Variants in MGAT4C observed in about 807,000 individuals in gnomAD.
The protein encoded by MGAT4C is alpha-1,3-mannosyl-glycoprotein 4-beta-N-acetylglucosaminyltransferase C.
In MGAT4C, 19 loss-of-function variants were observed where a neutral mutation model predicts 40.1. That is an observed-to-expected ratio of 0.47 (90% confidence interval 0.33 to 0.70). The LOEUF (loss-of-function observed/expected upper bound fraction) is 0.70, where lower values mean the gene tolerates loss of function less well. MGAT4C is among the 30% of genes least tolerant of loss of function. The pLI is 0.02. For synonymous variants in MGAT4C, 181 were observed against 187.1 expected (o/e 0.97, Z 0.27); for missense variants, 491 against 563.2 (o/e 0.87, Z 1.30).
Position 85,972,286 on chromosome 12 carries a change from T to G in MGAT4C, c.*7003A>C, listed in dbSNP as rs922801347. 6.6e-6 allele frequency: 1 copy of G among 151,088 alleles called. No individual in the cohort carries two copies. Among genetic ancestry groups the G allele is most frequent in the Non-Finnish European group, 1.5e-5 (1 of 67,270 alleles). 9.4% of individuals were successfully genotyped at this position (151,088 alleles called of 1,614,324 possible). A position where few individuals can be genotyped will look rare whatever the true frequency, so the allele number is the denominator to read the frequency against. ...AGAAGTTACAACTGCATTAATAGGA[T>G]TTTAATTTTTATTCAAAATGGACAA... On this transcript the variant is annotated 3_prime_UTR_variant, in exon 5 of 5. Transcript: ENST00000611864.
intron 2 of MGAT4C, among the ~76,000 whole-genome samples, chr12:86,492,734 T>A (rs1192546653): frequency 1.3e-5 from 2 of 152,148 alleles, no homozygotes; most frequent in African/African-American, 4.8e-5. Flanking sequence ...GACATAGGCA[T>A]GGGCAAGGAC....
intron 2 of MGAT4C, chr12:86,001,759 T>C: frequency 7.4e-6 from 3 of 407,226 alleles, no homozygotes; most frequent in Non-Finnish European, 9.9e-6. Flanking sequence ...ACTTCTTGAA[T>C]CCCTGAGCTG....
At chr12:86,295,361 C>T (rs1953637664) in intron 4 of MGAT4C, among the ~76,000 whole-genome samples, 1 of 152,132 alleles carries the variant, frequency 6.6e-6, no homozygotes, top group Non-Finnish European at 1.5e-5. Flanking sequence ...AAGAAAGAAG[C>T]CGCAGACCCT....
chr12:86,579,215 G>T (rs117218918), intron 2 of MGAT4C, among the ~76,000 whole-genome samples: 1 of 151,260 alleles, frequency 6.6e-6, no homozygotes, highest in African/African-American at 2.4e-5. Context: ...TTGTTTTGTG[G>T]TCTTCTCTTC....
intron 1 of MGAT4C, among the ~76,000 whole-genome samples, chr12:86,146,997 G>A (rs1242607597): frequency 6.6e-6 from 1 of 152,096 alleles, no homozygotes; most frequent in Non-Finnish European, 1.5e-5. Flanking sequence ...TAAATTATCA[G>A]ACCATCTAAA....
intron 1 of MGAT4C, among the ~76,000 whole-genome samples, chr12:86,808,546 A>C (rs1952407789): frequency 6.6e-6 from 1 of 152,206 alleles, no homozygotes; most frequent in East Asian, 1.9e-4. Flanking sequence ...TTATTTAATT[A>C]GATGCAAAAA....
At chr12:86,753,261 G>A (rs1593174818) in intron 1 of MGAT4C, among the ~76,000 whole-genome samples, 1 of 152,250 alleles carries the variant, frequency 6.6e-6, no homozygotes, top group South Asian at 2.1e-4. Flanking sequence ...CCTGCCCAGG[G>A]TGGAAAACCG....
chr12:86,659,188 G>A (rs945737717), intron 2 of MGAT4C, among the ~76,000 whole-genome samples: 1 of 151,502 alleles, frequency 6.6e-6, no homozygotes, highest in Non-Finnish European at 1.5e-5. Context: ...CACTTAACAT[G>A]TATATTTATA....
intron 2 of MGAT4C, among the ~76,000 whole-genome samples, chr12:86,470,237 A>G (rs1236392387): frequency 1.3e-5 from 2 of 152,178 alleles, no homozygotes; most frequent in African/African-American, 4.8e-5. Flanking sequence ...GCTTACTTCT[A>G]GAGGTGAAGA....
intron 2 of MGAT4C, among the ~76,000 whole-genome samples, chr12:86,566,228 A>G (rs1255760878): frequency 1.3e-5 from 2 of 151,866 alleles, no homozygotes. Flanking sequence ...TTGCCAAAGG[A>G]GATTAACATT....
chr12:86,684,731 G>T (rs913480465), intron 2 of MGAT4C, among the ~76,000 whole-genome samples: 1 of 151,554 alleles, frequency 6.6e-6, no homozygotes, highest in Non-Finnish European at 1.5e-5. Flanking sequence ...ATTCTAACTG[G>T]CATGAGATGG....
At chr12:86,085,682 C>T (rs970953429) in intron 1 of MGAT4C, among the ~76,000 whole-genome samples, 3 of 151,926 alleles carry the variant, frequency 2.0e-5, no homozygotes, top group Admixed American at 1.3e-4. Flanking sequence ...GGAACTTAAA[C>T]AAATTTACAA....
chr12:86,161,256 T>C (rs1422375362), intron 1 of MGAT4C, among the ~76,000 whole-genome samples: 1 of 152,094 alleles, frequency 6.6e-6, no homozygotes, highest in South Asian at 2.1e-4. Flanking sequence ...GACTTCAAAC[T>C]GTACTATAAA....
At chr12:86,784,166 C>T (rs894795219) in intron 1 of MGAT4C, among the ~76,000 whole-genome samples, 4 of 151,972 alleles carry the variant, frequency 2.6e-5, no homozygotes, top group Non-Finnish European at 4.4e-5. Context: ...TCCCCTAGTA[C>T]GTAATTAGGA....
At chr12:86,588,863 A>C (rs1961190664) in intron 2 of MGAT4C, among the ~76,000 whole-genome samples, 1 of 151,924 alleles carries the variant, frequency 6.6e-6, no homozygotes, top group African/African-American at 2.4e-5. Flanking sequence ...ACGAGAACAA[A>C]GACACAACAT....
At chr12:86,464,607 C>T (rs917598719) in intron 2 of MGAT4C, among the ~76,000 whole-genome samples, 1 of 152,098 alleles carries the variant, frequency 6.6e-6, no homozygotes, top group African/African-American at 2.4e-5. Context: ...ACATCCTAAA[C>T]AATCATTTAA....
intron 1 of MGAT4C, among the ~76,000 whole-genome samples, chr12:86,093,405 T>C (rs957783391): frequency 6.6e-6 from 1 of 152,146 alleles, no homozygotes; most frequent in Non-Finnish European, 1.5e-5. Context: ...CATTCCTAAA[T>C]GCTTATGTAA....
intron 1 of MGAT4C, among the ~76,000 whole-genome samples, chr12:86,762,183 C>G (rs972626997): frequency 1.3e-5 from 2 of 151,868 alleles, no homozygotes; most frequent in Non-Finnish European, 2.9e-5. Context: ...TCCCTAGTAG[C>G]TGGGACTGCA....
intron 3 of MGAT4C, among the ~76,000 whole-genome samples, chr12:86,352,249 T>C (rs1254361363): frequency 6.6e-6 from 1 of 152,068 alleles, no homozygotes; most frequent in Non-Finnish European, 1.5e-5. Flanking sequence ...TCTAAAACAG[T>C]GGCTTAAACA....
Sources: allele counts gnomAD v4.1 joint callset (sites outside exome capture counted in the v4.1 genomes callset), GRCh38; gene constraint gnomAD v4.1.1; transcripts MANE v1.5; gene names NCBI Gene and HGNC (gene_info 2026-07-23, HGNC 2026-07-21).